The following AXDND1 variants were observed in gnomAD, a reference collection of about 807,000 sequenced individuals.
AXDND1 encodes the protein axonemal dynein light chain domain-containing protein 1.
A neutral mutation model predicts 137.5 loss-of-function variants in AXDND1; 110 were observed. That is an observed-to-expected ratio of 0.80 (90% CI 0.69 to 0.94). The LOEUF is 0.94. AXDND1 is among the 40% of genes least tolerant of loss of function. The pLI is 0.00. For missense variants in AXDND1, 1,191 were observed against 1,169.8 expected, an observed-to-expected ratio of 1.02 and a Z score of -0.26; for synonymous variants, 414 against 399.7, an observed-to-expected ratio of 1.04 and a Z score of -0.43.
At chr1:179,525,237 T>A (rs1414818964) in intron 21 of AXDND1, 97 bp from the exon 22 acceptor site, 1 of 1,223,602 alleles carries the variant, frequency 8.2e-7, no homozygotes, top group Non-Finnish European at 1.1e-6. Context: ...ACTAGCACAG[T>A]ACCCAGCTGC....
intron 11 of AXDND1, among the ~76,000 whole-genome samples, chr1:179,410,938 T>C (rs1653774028): frequency 1.3e-5 from 2 of 152,218 alleles, no homozygotes; most frequent in Non-Finnish European, 2.9e-5. Flanking sequence ...AAGACTTTTA[T>C]AAGATTTATA....
chr1:179,428,216 G>C (rs895957808), intron 12 of AXDND1, among the ~76,000 whole-genome samples: 1 of 152,210 alleles, frequency 6.6e-6, no homozygotes, highest in African/African-American at 2.4e-5. Flanking sequence ...GTAAGAAACA[G>C]ATTTGAGCTA....
chr1:179,495,038 G>A (rs1456190270), intron 20 of AXDND1, among the ~76,000 whole-genome samples: 1 of 152,054 alleles, frequency 6.6e-6, no homozygotes, highest in Non-Finnish European at 1.5e-5. Context: ...TATTATTCTG[G>A]ACATTCTGTT....
chr1:179,399,892 G>A (rs1253695068), intron 11 of AXDND1, among the ~76,000 whole-genome samples: 2 of 152,202 alleles, frequency 1.3e-5, no homozygotes, highest in African/African-American at 2.4e-5. Flanking sequence ...CCTTACTCCT[G>A]CAAGGATGGC....
rs1303862140 is a variant in AXDND1, at chr1:179,456,595, T to C, written c.1798+11391T>C. 2.6e-5 allele frequency: 21 copies of C among 798,892 alleles called. No individual in the cohort carries two copies. The East Asian group carries it at 5.1e-4, about 20-fold the overall frequency. The allele number at this position is 798,892 out of a possible 1,614,324, so 49.5% of individuals were successfully genotyped here. On this transcript the variant is annotated intron_variant, in intron 16 of 25. Transcript: ENST00000367618. The stretch of plus-strand genomic sequence containing the variant: ...CCACCTCCTCCATAACCACCATCAT[T>C]ACCAAACCCATTATAGCCATCCCCA...
chr1:179,539,440 C>T (rs1168195606), intron 25 of AXDND1, among the ~76,000 whole-genome samples: 1 of 152,160 alleles, frequency 6.6e-6, no homozygotes, highest in African/African-American at 2.4e-5. Context: ...ATTTCTCCTT[C>T]ACTTATGAAG....
intron 16 of AXDND1, chr1:179,454,588 A>T (rs760816659): frequency 2.0e-5 from 3 of 152,260 alleles, no homozygotes; most frequent in East Asian, 1.9e-4. Flanking sequence ...TGTGTGTGTG[A>T]GAGAGAGTAT....
chr1:179,519,502 G>A (rs541306528), intron 21 of AXDND1, among the ~76,000 whole-genome samples: 1 of 152,234 alleles, frequency 6.6e-6, no homozygotes, highest in East Asian at 1.9e-4. Flanking sequence ...TTGTCTTCCA[G>A]GGTTTTTATA....
intron 20 of AXDND1, among the ~76,000 whole-genome samples, chr1:179,501,976 A>G (rs1668045213): frequency 6.6e-6 from 1 of 152,182 alleles, no homozygotes; most frequent in African/African-American, 2.4e-5. Flanking sequence ...TAAATTTAAG[A>G]ATTATTTTTG....
At chr1:179,419,672 AGAGAGG>A (rs150512535) in intron 12 of AXDND1, among the ~76,000 whole-genome samples, 1,850 of 139,632 alleles carry the variant, frequency 0.013, 43 homozygotes, top group African/African-American at 0.044. Flanking sequence ...GGAGGGAGAC[AGAGAGG>A]GAGAGGGAGA....
rs1297384725 is a variant in AXDND1 at position 179,513,591 on chromosome 1, G to A, written c.2496+4188G>A. ...ATTCTGCCTTCATAGAATGAATTAG[G>A]GAAGGTTCCCTTTTTTCTCTATCTT... On this transcript the variant is annotated intron_variant, in intron 21 of 25. Coordinates refer to ENST00000367618, the MANE Select transcript of AXDND1 (RefSeq NM_144696.6). 2.0e-5 allele frequency among the ~76,000 whole-genome samples: 3 copies of A among 152,028 alleles called. No homozygotes were observed. The East Asian group carries it at 5.8e-4, about 29-fold the overall frequency.
At chr1:179,519,943 T>C (rs1035248746) in intron 21 of AXDND1, among the ~76,000 whole-genome samples, 8 of 152,212 alleles carry the variant, frequency 5.3e-5, no homozygotes, top group Admixed American at 1.3e-4. Flanking sequence ...GGTAGTTTGA[T>C]AGGAATAGCA....
chr1:179,470,423 T>C (rs1663776732), intron 17 of AXDND1, among the ~76,000 whole-genome samples: 1 of 152,184 alleles, frequency 6.6e-6, no homozygotes, highest in Admixed American at 6.5e-5. Context: ...ATCTTAAACA[T>C]GTTAAGTCTT....
At chr1:179,475,644 G>T (rs570402132) in intron 17 of AXDND1, among the ~76,000 whole-genome samples, 1 of 152,118 alleles carries the variant, frequency 6.6e-6, no homozygotes, top group Non-Finnish European at 1.5e-5. Context: ...TATTTTACAG[G>T]CTCATAGACA....
chr1:179,384,789 A>G (rs1339422911), intron 8 of AXDND1, among the ~76,000 whole-genome samples: 1 of 150,444 alleles, frequency 6.6e-6, no homozygotes, highest in Non-Finnish European at 1.5e-5. Context: ...TTTTTGAGAC[A>G]AAGTCTCACT....
At chr1:179,509,156 G>T in intron 20 of AXDND1, 140 bp from the exon 21 acceptor site, 2 of 579,934 alleles carry the variant, frequency 3.4e-6, no homozygotes, top group East Asian at 3.0e-5. Context: ...AGTCACCACT[G>T]CACAACTCTT....
Position 179,525,570 on chromosome 1 carries a change from C to T in AXDND1, c.2610+123C>T, listed in dbSNP as rs115458939. ...GGAGTGCTGTGGTATCATCATAGCT[C>T]ACTGTAACCTCGAACTCTGGGGCTC... On this transcript the variant is annotated intron_variant, in intron 22 of 25. Transcript: ENST00000367618. The T allele has an allele frequency of 1.1e-3, 1,332 of 1,183,006 alleles. 10 individuals are homozygous for T. In the African/African-American group the frequency reaches 0.019, roughly 17 times the overall value. The allele number at this position is 1,183,006 out of a possible 1,614,324, so 73.3% of individuals were successfully genotyped here.
At chr1:179,407,595 C>A (rs1653181079) in intron 11 of AXDND1, among the ~76,000 whole-genome samples, 2 of 152,106 alleles carry the variant, frequency 1.3e-5, no homozygotes, top group South Asian at 4.1e-4. Context: ...TGCTGAGAAA[C>A]CCATTAGTCT....
chr1:179,484,439 C>T (rs1446095949), intron 18 of AXDND1, among the ~76,000 whole-genome samples: 1 of 152,118 alleles, frequency 6.6e-6, no homozygotes, highest in East Asian at 1.9e-4. Flanking sequence ...ACCTGAGCAC[C>T]CCCCTGTCTT....
Sources: allele counts gnomAD v4.1 joint callset (sites outside exome capture counted in the v4.1 genomes callset), GRCh38; gene constraint gnomAD v4.1.1; transcripts MANE v1.5; gene names NCBI Gene and HGNC (gene_info 2026-07-23, HGNC 2026-07-21).